Variants in NLGN1 observed in about 807,000 individuals in gnomAD.
The protein encoded by NLGN1 is neuroligin 1.
A neutral mutation model predicts 65.5 loss-of-function variants in NLGN1; 12 were observed. The ratio of observed to expected loss-of-function variants is 0.18; its 90% CI spans 0.12 to 0.30. The LOEUF is 0.30. NLGN1 is among the 10% of genes least tolerant of loss of function. The probability of loss-of-function intolerance (pLI) is 1.00; values close to 1 mark genes in which losing one functional copy is unlikely to be tolerated. For synonymous variants in NLGN1, 350 were observed against 359.5 expected, an observed-to-expected ratio of 0.97 and a Z score of 0.30; for missense variants, 750 against 1,007.1, an observed-to-expected ratio of 0.74 and a Z score of 3.46.
chr3:174,138,471 G>A (rs1253783005), intron 4 of NLGN1, among the ~76,000 whole-genome samples: 2 of 136,444 alleles, frequency 1.5e-5, no homozygotes, highest in Admixed American at 7.9e-5. Context: ...ATGTCGCTCC[G>A]TCGCCGAGGC....
rs963612184 is a variant in NLGN1, at chr3:173,761,837, G to GA, written c.494-45838dup. 9.2e-5 allele frequency among the ~76,000 whole-genome samples: 14 copies of GA among 152,094 alleles called. No individual in the cohort carries two copies. The South Asian group carries it at 1.7e-3, about 18-fold the overall frequency. On this transcript the variant is annotated intron_variant, in intron 3 of 6. Coordinates refer to ENST00000457714, the Ensembl canonical transcript of NLGN1. ...CAGATAATGCAGACTTTTTACCAGG[G>GA]AAAAATCAGTGAATATCAAGGCAAA...
chr3:174,217,378 G>C (rs1298624063), intron 4 of NLGN1, among the ~76,000 whole-genome samples: 1 of 152,072 alleles, frequency 6.6e-6, no homozygotes, highest in Non-Finnish European at 1.5e-5. Context: ...CAGCCAGCCT[G>C]CCCTGACAAA....
chr3:173,904,951 AAGAGCC>A (rs1339938312), intron 4 of NLGN1, among the ~76,000 whole-genome samples: 1 of 152,190 alleles, frequency 6.6e-6, no homozygotes, highest in Non-Finnish European at 1.5e-5. Flanking sequence ...CAGGCCCATA[AAGAGCC>A]TTATATTGCT....
chr3:173,558,381 G>A (rs1414213249), intron 2 of NLGN1, among the ~76,000 whole-genome samples: 1 of 151,848 alleles, frequency 6.6e-6, no homozygotes, highest in African/African-American at 2.4e-5. Flanking sequence ...AAAACATCTG[G>A]TCACTATTTC....
chr3:174,275,223 C>CTTGA (rs1424077520), intron 4 of NLGN1, 92 bp from the exon 5 acceptor site: 29 of 917,012 alleles, frequency 3.2e-5, no homozygotes, highest in Middle Eastern at 2.3e-4. Flanking sequence ...CTGTCCCTAC[C>CTTGA]TTGATTAATA....
At chr3:173,942,540 T>G (rs1746348066) in intron 4 of NLGN1, among the ~76,000 whole-genome samples, 1 of 152,198 alleles carries the variant, frequency 6.6e-6, no homozygotes, top group Non-Finnish European at 1.5e-5. Flanking sequence ...GTTGAAAATG[T>G]GGCATCAACT....
chr3:174,285,566 A>G (rs1281928538), exon 7 of NLGN1: 1 of 151,542 alleles, frequency 6.6e-6, no homozygotes, highest in African/African-American at 2.4e-5. Context: ...TACACTTCAA[A>G]TTTCCATCAG....
At chr3:173,574,062 C>CAAAAAAAAAAAAAAAAAAAAA (rs1192427397) in intron 2 of NLGN1, among the ~76,000 whole-genome samples, 1 of 51,916 alleles carries the variant, frequency 1.9e-5, no homozygotes, top group Non-Finnish European at 3.6e-5. Context: ...GACTCCACCT[C>CAAAAAAAAAAAAAAAAAAAAA]AAAAAAAAAA....
chr3:173,987,132 T>G (rs1302874109), intron 4 of NLGN1, among the ~76,000 whole-genome samples: 1 of 152,180 alleles, frequency 6.6e-6, no homozygotes, highest in Non-Finnish European at 1.5e-5. Context: ...ACAGGTAATA[T>G]AGAAAATTGA....
intron 3 of NLGN1, among the ~76,000 whole-genome samples, chr3:173,781,075 G>T (rs1781062677): frequency 7.2e-6 from 1 of 139,806 alleles, no homozygotes; most frequent in Non-Finnish European, 1.5e-5. Flanking sequence ...ACCCAGGAGG[G>T]TGGAGCTTGC....
In NLGN1 at chr3:173,415,910, G is replaced by T. The variant is rs1304058065; in HGVS notation, c.-390+17423G>T. On this transcript the variant is annotated intron_variant, in intron 1 of 6. Transcript: ENST00000457714. The stretch of plus-strand genomic sequence containing the variant: ...GAGTAAATATATATATATATAGAGA[G>T]AGAGAGAGGGAGAGAGAGAGAGAGA... Among the ~76,000 whole-genome samples, 329 of 123,632 alleles carry T rather than the reference G, an allele frequency of 2.7e-3. 5 individuals carry two copies. Among genetic ancestry groups the T allele is most frequent in the African/African-American group, 9.4e-3 (225 of 24,026 alleles). 81.1% of individuals were successfully genotyped at this position (123,632 alleles called of 152,430 possible).
At chr3:173,538,038 AACTAAG>A (rs1737747400) in intron 2 of NLGN1, among the ~76,000 whole-genome samples, 2 of 152,178 alleles carry the variant, frequency 1.3e-5, no homozygotes, top group Non-Finnish European at 2.9e-5. Flanking sequence ...CTTTCCCTGA[AACTAAG>A]ACTTCTAGGC....
intron 2 of NLGN1, among the ~76,000 whole-genome samples, chr3:173,493,162 AAACG>A (rs1449453876): frequency 1.3e-5 from 2 of 151,818 alleles, no homozygotes; most frequent in African/African-American, 4.9e-5. Flanking sequence ...TTCATTTTAC[AAACG>A]AAGAAATTGA....
intron 4 of NLGN1, among the ~76,000 whole-genome samples, chr3:174,027,430 A>G (rs1449182579): frequency 1.3e-5 from 2 of 152,188 alleles, no homozygotes; most frequent in Non-Finnish European, 2.9e-5. Flanking sequence ...AAGACTAGCA[A>G]GTAGGTTCAG....
At chr3:173,874,455 T>G (rs1731758435) in intron 4 of NLGN1, among the ~76,000 whole-genome samples, 1 of 152,248 alleles carries the variant, frequency 6.6e-6, no homozygotes, top group African/African-American at 2.4e-5. Context: ...ATGGGCATCC[T>G]TATTAGCCAG....
intron 4 of NLGN1, among the ~76,000 whole-genome samples, chr3:174,006,509 C>T (rs778768206): frequency 6.6e-6 from 1 of 152,160 alleles, no homozygotes; most frequent in Non-Finnish European, 1.5e-5. Flanking sequence ...GACACACAAA[C>T]ATGATCTTTC....
At chr3:174,092,350 G>A (rs963715054) in intron 4 of NLGN1, among the ~76,000 whole-genome samples, 1 of 152,106 alleles carries the variant, frequency 6.6e-6, no homozygotes, top group African/African-American at 2.4e-5. Context: ...AGGTACTGTA[G>A]GTATAGGCAT....
intron 4 of NLGN1, among the ~76,000 whole-genome samples, chr3:174,197,582 G>C (rs1733697073): frequency 6.9e-6 from 1 of 145,436 alleles, no homozygotes; most frequent in African/African-American, 2.6e-5. Flanking sequence ...ACTCTTCCTT[G>C]ACTAAGAGAG....
chr3:174,214,990 C>T lies in NLGN1; in HGVS notation c.647-60325C>T, dbSNP rs186674762. ...GTAAAAGAAGGGGAAAATGGGTATT[C>T]AGTGGCAATGAACAGTTTCTGCCAC... On this transcript the variant is annotated intron_variant, in intron 4 of 6. Coordinates refer to ENST00000457714, the Ensembl canonical transcript of NLGN1. Among the ~76,000 whole-genome samples the T allele has an allele frequency of 4.4e-3, 667 of 152,156 alleles. 2 individuals carry two copies. Among genetic ancestry groups the T allele is most frequent in the African/African-American group, 0.015 (635 of 41,510 alleles).
Sources: gnomAD v4.1 joint callset for allele counts (sites outside exome capture counted in the v4.1 genomes callset) on GRCh38, gnomAD v4.1.1 for gene constraint, MANE v1.5 for transcripts, NCBI Gene and HGNC (gene_info 2026-07-23, HGNC 2026-07-21) for gene names.